Variants in UTS2R observed in about 807,000 individuals in gnomAD.
UTS2R encodes the protein urotensin-2 receptor.
For missense variants in UTS2R, 653 were observed against 562.2 expected, an observed-to-expected ratio of 1.16 and a Z score of -1.63; for synonymous variants, 335 against 280.9, an observed-to-expected ratio of 1.19 and a Z score of -1.93.
rs913669442 is a variant in UTS2R at position 82,374,766 on chromosome 17, C to T, written c.442C>T (p.Arg148Cys). The change falls in exon 3 of 3, where the codon CGC becomes TGC. Residue 148 changes from arginine to cysteine, a missense_variant. By Grantham distance (180) the Arg-to-Cys change is radical. Coordinates refer to ENST00000313135, the MANE Select transcript of UTS2R (RefSeq NM_018949.3). The stretch of plus-strand genomic sequence containing the variant: ...CACGCTGACCGTCATGAGCAGCGAG[C>T]GCTACGCTGCGGTGCTGCGGCCGCT... ...IFTLTVMSSE[R>C]YAAVLRPLDT... 6.2e-7 allele frequency: 1 copy of T among 1,605,426 alleles called. No individual in the cohort carries two copies. Among genetic ancestry groups the T allele is most frequent in the Non-Finnish European group, 8.5e-7 (1 of 1,177,728 alleles).
intron 2 of UTS2R, among the ~76,000 whole-genome samples, chr17:82,373,686 T>C (rs1250900249): frequency 2.6e-5 from 4 of 152,278 alleles, no homozygotes; most frequent in Non-Finnish European, 5.9e-5. Context: ...GCAATCCATC[T>C]TGAATTCGTT....
Position 82,375,538 on chromosome 17 carries a change from A to C in UTS2R, c.*44A>C. 1.3e-6 allele frequency: 1 copy of C among 791,602 alleles called. No individual in the cohort carries two copies. Among genetic ancestry groups the C allele is most frequent in the Non-Finnish European group, 1.9e-6 (1 of 538,812 alleles). 49.0% of individuals were successfully genotyped at this position (791,602 alleles called of 1,614,324 possible). ...GGAGTCCAGGCGGGGACGCGCCCCA[A>C]AGCCCCAGCCACTCCCGGGAGCCCC... On this transcript the variant is annotated 3_prime_UTR_variant, in exon 3 of 3. Coordinates refer to ENST00000313135, the MANE Select transcript of UTS2R (RefSeq NM_018949.3).
chr17:82,375,072 C>A lies in UTS2R; in HGVS notation c.748C>A (p.Arg250=). 1 of 1,408,518 alleles carries A rather than the reference C, an allele frequency of 7.1e-7. No homozygotes were observed. The highest frequency in any genetic ancestry group is 9.2e-7 in the Non-Finnish European group (1 of 1,089,490). The allele number at this position is 1,408,518 out of a possible 1,614,324, so 87.3% of individuals were successfully genotyped here. The part of the protein sequence containing the change: ...RSQRASFKRA[R]RPGARALRLV... ...GCAGCGCGCCTCCTTCAAGCGGGCC[C>A]GGCGGCCGGGGGCGCGCGCGCTGCG... Residue 250 remains arginine (R), a synonymous_variant, in exon 3 of 3, where the codon CGG becomes AGG. Coordinates refer to ENST00000313135, the MANE Select transcript of UTS2R (RefSeq NM_018949.3).
rs781571379 is a variant in UTS2R, at chr17:82,375,216, T to C, written c.892T>C (p.Tyr298His). The C allele has an allele frequency of 1.3e-6, 2 of 1,576,186 alleles. No homozygotes were observed. Among genetic ancestry groups the C allele is most frequent in the Non-Finnish European group, 1.7e-6 (2 of 1,162,756 alleles). ...GCCGCGGACGGCGCGCATCGTCAAC[T>C]ACCTGACCACCTGCCTCACCTACGG... Reference protein sequence around the residue: ...LAPRTARIVNYLTTCLTYGNS... With the variant: ...LAPRTARIVNHLTTCLTYGNS... The change falls in exon 3 of 3, where the codon TAC (tyrosine) becomes CAC (histidine). Residue 298 changes from tyrosine to histidine, a missense_variant. Coordinates refer to ENST00000313135, the MANE Select transcript of UTS2R (RefSeq NM_018949.3).
At position 82,376,504 on chromosome 17, in the gene UTS2R, G is replaced by T. The variant is rs181119354; in HGVS notation, c.*1010G>T. 1.9e-4 allele frequency among the ~76,000 whole-genome samples: 29 copies of T among 151,750 alleles called. No homozygotes were observed. Among genetic ancestry groups the T allele is most frequent in the Admixed American group, 1.9e-3 (29 of 15,232 alleles). On this transcript the variant is annotated 3_prime_UTR_variant, in exon 3 of 3. Coordinates refer to ENST00000313135, the MANE Select transcript of UTS2R (RefSeq NM_018949.3). ...GAACACTGGGGCAAGGGTCATGCCC[G>T]CTTGGTCCCTCCAGTGCCTACCCCT...
rs563111799 is a variant in UTS2R, at chr17:82,376,821, G to A, written c.*1327G>A. Among the ~76,000 whole-genome samples, 12 of 152,224 alleles carry A rather than the reference G, an allele frequency of 7.9e-5. No homozygotes were observed. The South Asian group carries it at 2.1e-3, about 26-fold the overall frequency. On this transcript the variant is annotated 3_prime_UTR_variant, in exon 3 of 3. Transcript: ENST00000313135. Reference sequence around the variant, plus strand: ...AAATTGAAAGAGACTGATGTCAGCCGCCCCGTCTGGGAGGGAGGTGGGGGG... The same window carrying A: ...AAATTGAAAGAGACTGATGTCAGCCACCCCGTCTGGGAGGGAGGTGGGGGG...
chr17:82,375,548 C>G lies in UTS2R; in HGVS notation c.*54C>G, dbSNP rs1316135602. 6 of 709,068 alleles carry G rather than the reference C, an allele frequency of 8.5e-6. No individual in the cohort carries two copies. 43.9% of individuals were successfully genotyped at this position (709,068 alleles called of 1,614,324 possible). On this transcript the variant is annotated 3_prime_UTR_variant, in exon 3 of 3. Coordinates refer to ENST00000313135, the MANE Select transcript of UTS2R (RefSeq NM_018949.3). ...CGGGGACGCGCCCCAAAGCCCCAGC[C>G]ACTCCCGGGAGCCCCCCCAACTCCC...
In UTS2R at chr17:82,374,481, A is replaced by G. The variant is rs2052472566; in HGVS notation, c.157A>G (p.Thr53Ala). Residue 53 changes from threonine (T) to alanine (A), a missense_variant, in exon 3 of 3, where the codon ACC (threonine) becomes GCC (alanine). Coordinates refer to ENST00000313135, the MANE Select transcript of UTS2R (RefSeq NM_018949.3). ...CCTGGAGGACCTGGTGGCCACGGGC[A>G]CCATTGGGACTCTGCTGTCGGCCAT... ...SSLEDLVATG[T>A]IGTLLSAMGV... The G allele has an allele frequency of 6.3e-7, 1 of 1,592,776 alleles. No individual in the cohort carries two copies. Among genetic ancestry groups the G allele is most frequent in the African/African-American group, 1.3e-5 (1 of 74,640 alleles).
rs867634328 is a variant in UTS2R at position 82,376,584 on chromosome 17, C to T, written c.*1090C>T. 2.3e-4 allele frequency among the ~76,000 whole-genome samples: 35 copies of T among 152,208 alleles called. No individual in the cohort carries two copies. Among genetic ancestry groups the T allele is most frequent in the Admixed American group, 1.3e-3 (20 of 15,286 alleles). On this transcript the variant is annotated 3_prime_UTR_variant, in exon 3 of 3. Transcript: ENST00000313135. ...GACTGTGGCCGGCGTCAGGAATAAG[C>T]ATGCAGCGCTCTCCCCAGGGCCTCC...
chr17:82,374,237 C>G lies in UTS2R; in HGVS notation c.-82-6C>G. 1.8e-6 allele frequency: 2 copies of G among 1,091,400 alleles called. No homozygotes were observed. The highest frequency in any genetic ancestry group is 1.6e-5 in the African/African-American group (1 of 63,404). The allele number at this position is 1,091,400 out of a possible 1,614,324, so 67.6% of individuals were successfully genotyped here. On this transcript the variant is annotated splice_polypyrimidine_tract_variant and splice_region_variant and intron_variant, in intron 2 of 2. Transcript: ENST00000313135. ...GGTGTTGCCTGATTTGCTTCTTTCC[C>G]CACAGGCTGAGCTGGTTGCCCACAG... is the stretch of plus-strand genomic sequence containing the variant.
chr17:82,375,595 C>T lies in UTS2R; in HGVS notation c.*101C>T, dbSNP rs1025878849. ...TCCCAAATCACAGGCCCTGCCCCTC[C>T]TCCGTCCCCTTCTGGAAAGATCCTG... On this transcript the variant is annotated 3_prime_UTR_variant, in exon 3 of 3. Coordinates refer to ENST00000313135, the MANE Select transcript of UTS2R (RefSeq NM_018949.3). 7 of 526,868 alleles carry T rather than the reference C, an allele frequency of 1.3e-5. No individual in the cohort carries two copies. Among genetic ancestry groups the T allele is most frequent in the Non-Finnish European group, 2.3e-5 (7 of 307,432 alleles). 32.6% of individuals were successfully genotyped at this position (526,868 alleles called of 1,614,324 possible).
rs560698344 is a variant in UTS2R at position 82,375,824 on chromosome 17, T to G, written c.*330T>G. ...CCCTCCTCCTCTCAGCCAGCGGCCC[T>G]GTGACTCCTGTTCCTGCCTGTGTGG... On this transcript the variant is annotated 3_prime_UTR_variant, in exon 3 of 3. Transcript: ENST00000313135. 6.6e-6 allele frequency among the ~76,000 whole-genome samples: 1 copy of G among 152,368 alleles called. No homozygotes were observed. Among genetic ancestry groups the G allele is most frequent in the South Asian group, 2.1e-4 (1 of 4,834 alleles).
rs765764490 is a variant in UTS2R at position 82,375,460 on chromosome 17, G to A, written c.1136G>A (p.Arg379Gln). ...GTGCTGGCCCCAGCGGCCCCGGCCC[G>A]ACCTGCGCCCGAGGGTCCCAGGGCC... The part of the protein sequence containing the change: ...SLVLAPAAPA[R>Q]PAPEGPRAPA The change falls in exon 3 of 3, where the codon CGA becomes CAA. Residue 379 changes from arginine (R) to glutamine (Q), a missense_variant. By Grantham distance (43) the Arg-to-Gln change is conservative. Transcript: ENST00000313135. 3 of 1,513,142 alleles carry A rather than the reference G, an allele frequency of 2.0e-6. No homozygotes were observed. Among genetic ancestry groups the A allele is most frequent in the East Asian group, 2.6e-5 (1 of 38,520 alleles). 93.7% of individuals were successfully genotyped at this position (1,513,142 alleles called of 1,614,324 possible). A position where few individuals can be genotyped will look rare whatever the true frequency, so the allele number is the denominator to read the frequency against.
At chr17:82,373,507 C>T (rs1424401695) in intron 2 of UTS2R, among the ~76,000 whole-genome samples, 1 of 152,198 alleles carries the variant, frequency 6.6e-6, no homozygotes, top group African/African-American at 2.4e-5. Flanking sequence ...CTTATGATTT[C>T]GCTCTCTTGG....
intron 1 of UTS2R, among the ~76,000 whole-genome samples, chr17:82,372,303 G>T (rs138086306): frequency 6.6e-6 from 1 of 152,216 alleles, no homozygotes; most frequent in African/African-American, 2.4e-5. Context: ...CACAACTGGG[G>T]AGCCCGGTGC....
rs2052504008 is a variant in UTS2R, at chr17:82,377,256, C to A, written c.*1762C>A. On this transcript the variant is annotated 3_prime_UTR_variant, in exon 3 of 3. Coordinates refer to ENST00000313135, the MANE Select transcript of UTS2R (RefSeq NM_018949.3). Reference sequence around the variant, plus strand: ...CAAGATGTGCTTTGTTAAACAGATGCTTGAAGGCAGCACGCTCGTTAGGAG... The same window carrying A: ...CAAGATGTGCTTTGTTAAACAGATGATTGAAGGCAGCACGCTCGTTAGGAG... 1.3e-5 allele frequency among the ~76,000 whole-genome samples: 2 copies of A among 152,148 alleles called. No homozygotes were observed.
intron 2 of UTS2R, among the ~76,000 whole-genome samples, 175 bp downstream of exon 2, chr17:82,372,958 G>A (rs946947129): frequency 6.6e-6 from 1 of 152,174 alleles, no homozygotes; most frequent in Non-Finnish European, 1.5e-5. Context: ...GCCTTTTCAC[G>A]CGTTCATCCT....
Position 82,375,966 on chromosome 17 carries a change from C to T in UTS2R, c.*472C>T, listed in dbSNP as rs528955455. 7.2e-5 allele frequency among the ~76,000 whole-genome samples: 11 copies of T among 152,344 alleles called. No individual in the cohort carries two copies. The South Asian group carries it at 2.3e-3, about 32-fold the overall frequency. ...TGGGAGGATCGGCCGGCAGGATCCC[C>T]AGGACGACAACGGCAGCTCAAGGGG... On this transcript the variant is annotated 3_prime_UTR_variant, in exon 3 of 3. Coordinates refer to ENST00000313135, the MANE Select transcript of UTS2R (RefSeq NM_018949.3).
chr17:82,374,625 C>T lies in UTS2R; in HGVS notation c.301C>T (p.Leu101=), dbSNP rs1442635350. Residue 101 remains leucine (L), a synonymous_variant, in exon 3 of 3, where the codon CTG becomes TTG. Transcript: ENST00000313135. ...VNLALADLLY[L]LSIPFIVATY... The stretch of plus-strand genomic sequence containing the variant: ...CCTGGCGCTGGCCGACCTGCTGTAC[C>T]TGCTCAGCATCCCCTTCATCGTGGC... 1.6e-5 allele frequency: 26 copies of T among 1,612,556 alleles called. No homozygotes were observed. The highest frequency in any genetic ancestry group is 2.1e-5 in the Non-Finnish European group (25 of 1,179,632).
Sources: gnomAD v4.1 joint callset for allele counts (sites outside exome capture counted in the v4.1 genomes callset) on GRCh38, gnomAD v4.1.1 for gene constraint, MANE v1.5 for transcripts, NCBI Gene and HGNC (gene_info 2026-07-23, HGNC 2026-07-21) for gene names.